Variants in GRM8 observed in about 807,000 individuals in gnomAD.
The protein encoded by GRM8 is metabotropic glutamate receptor 8.
Under a neutral mutation model 87.2 loss-of-function variants are expected in GRM8, and 47 were observed. The observed-to-expected ratio is 0.54, with a 90% CI of 0.43 to 0.69. The LOEUF (loss-of-function observed/expected upper bound fraction) is 0.69, where lower values mean the gene tolerates loss of function less well. Among genes scored for constraint, GRM8 ranks in the 30% least tolerant of loss-of-function variants. The pLI is 0.00. For synonymous variants in GRM8, 396 were observed against 404.5 expected (o/e 0.98, Z 0.25); for missense variants, 1,019 against 1,139.2 (o/e 0.89, Z 1.52).
chr7:126,812,903 A>T (rs1291256761), intron 6 of GRM8, among the ~76,000 whole-genome samples: 1 of 152,058 alleles, frequency 6.6e-6, no homozygotes, highest in Non-Finnish European at 1.5e-5. Context: ...CAGACAGGAA[A>T]CTTTTATGCA....
chr7:126,753,285 A>C (rs772659840), intron 7 of GRM8, among the ~76,000 whole-genome samples: 4 of 151,828 alleles, frequency 2.6e-5, no homozygotes, highest in Non-Finnish European at 4.4e-5. Flanking sequence ...TTTAAATTTT[A>C]TATATATATG....
chr7:126,758,732 T>G (rs1346791461), intron 7 of GRM8, among the ~76,000 whole-genome samples: 1 of 152,170 alleles, frequency 6.6e-6, no homozygotes, highest in Non-Finnish European at 1.5e-5. Context: ...ATTGTTCACT[T>G]AGCTTAGCTA....
intron 7 of GRM8, among the ~76,000 whole-genome samples, chr7:126,629,425 G>C (rs1469856723): frequency 6.6e-6 from 1 of 151,994 alleles, no homozygotes; most frequent in Non-Finnish European, 1.5e-5. Context: ...TTCTTGTTAA[G>C]TTTCAAATTG....
intron 2 of GRM8, among the ~76,000 whole-genome samples, chr7:127,145,066 T>A (rs1828481893): frequency 6.6e-6 from 1 of 152,146 alleles, no homozygotes; most frequent in Admixed American, 6.6e-5. Context: ...GTCAACATAT[T>A]AAGTATTGTG....
At chr7:127,188,592 T>G (rs1017133283) in intron 2 of GRM8, among the ~76,000 whole-genome samples, 2 of 152,236 alleles carry the variant, frequency 1.3e-5, no homozygotes, top group Admixed American at 1.3e-4. Context: ...ATAAGATTGT[T>G]ACTTTGTACA....
intron 1 of GRM8, among the ~76,000 whole-genome samples, chr7:127,248,458 G>A (rs1299700811): frequency 3.3e-5 from 5 of 152,174 alleles, no homozygotes; most frequent in Non-Finnish European, 7.3e-5. Flanking sequence ...AACTAACCCT[G>A]ATTTGATAAT....
intron 7 of GRM8, among the ~76,000 whole-genome samples, chr7:126,742,925 C>T (rs904300074): frequency 1.3e-5 from 2 of 151,986 alleles, no homozygotes; most frequent in African/African-American, 2.4e-5. Context: ...CGGGAAGGGA[C>T]TCTATCTTAC....
intron 3 of GRM8, among the ~76,000 whole-genome samples, chr7:127,103,411 C>T (rs766118022): frequency 4.6e-5 from 7 of 152,142 alleles, no homozygotes; most frequent in Non-Finnish European, 1.0e-4. Flanking sequence ...GTGTGTTGCA[C>T]CTCCTCCCCT....
chr7:127,234,158 T>G (rs1055021191), intron 2 of GRM8, among the ~76,000 whole-genome samples: 1 of 152,212 alleles, frequency 6.6e-6, no homozygotes, highest in Non-Finnish European at 1.5e-5. Flanking sequence ...GAGGTAGCTG[T>G]CATGGTTTCT....
chr7:126,481,896 G>T (rs550415104), intron 9 of GRM8, among the ~76,000 whole-genome samples: 1 of 152,176 alleles, frequency 6.6e-6, no homozygotes, highest in Admixed American at 6.6e-5. Context: ...AGAGCTTTCT[G>T]TGTCACTTTT....
At position 126,897,677 on chromosome 7, in the gene GRM8, A is replaced by G. The variant is rs568254338; in HGVS notation, c.1156+4865T>C. On this transcript the variant is annotated intron_variant, in intron 6 of 10. Transcript: ENST00000339582. ...GTCCTTTTTTCTTCTCGAGAAAGACAAAGGGAATTTTAAGTAGGATTAAGT... is the reference window on the plus strand; with the variant it reads ...GTCCTTTTTTCTTCTCGAGAAAGACGAAGGGAATTTTAAGTAGGATTAAGT... 2.0e-5 allele frequency among the ~76,000 whole-genome samples: 3 copies of G among 152,244 alleles called. No individual in the cohort carries two copies. The South Asian group carries it at 6.2e-4, about 32-fold the overall frequency.
chr7:127,191,613 C>T (rs936521998), intron 2 of GRM8, among the ~76,000 whole-genome samples: 1 of 152,114 alleles, frequency 6.6e-6, no homozygotes, highest in South Asian at 2.1e-4. Flanking sequence ...AATGTAGTCT[C>T]ATAAGAGATA....
chr7:126,661,401 T>C (rs1030732016), intron 7 of GRM8, among the ~76,000 whole-genome samples: 4 of 152,248 alleles, frequency 2.6e-5, no homozygotes, highest in African/African-American at 7.2e-5. Context: ...ATAAAACATA[T>C]GTTTTAAAAA....
At position 126,533,517 on chromosome 7, in the gene GRM8, C is replaced by A. The variant is rs774461111; in HGVS notation, c.1865G>T (p.Ser622Ile). The A allele has an allele frequency of 1.2e-6, 2 of 1,614,096 alleles. No homozygotes were observed. The highest frequency in any genetic ancestry group is 1.7e-6 in the Non-Finnish European group (2 of 1,180,002). Residue 622 changes from serine (S) to isoleucine (I), a missense_variant, in exon 9 of 11, where the codon AGT becomes ATT. Physicochemically the swap from Ser to Ile is moderately radical, Grantham distance 142. Coordinates refer to ENST00000339582, the MANE Select transcript of GRM8 (RefSeq NM_000845.3). Reference sequence around the variant, plus strand: ...AAAAATCCCCGTTAGGAGCACGTAACTAAGTTCGCGTCCTGAAGCCCTCAC... The same window carrying A: ...AAAAATCCCCGTTAGGAGCACGTAAATAAGTTCGCGTCCTGAAGCCCTCAC... ...PIVRASGREL[S>I]YVLLTGIFLC...
intron 3 of GRM8, among the ~76,000 whole-genome samples, chr7:127,103,809 A>T (rs955282118): frequency 2.0e-5 from 3 of 152,152 alleles, no homozygotes; most frequent in African/African-American, 7.2e-5. Flanking sequence ...GGATGACACT[A>T]TAACAGCTGG....
chr7:126,768,356 G>GA (rs1221529800), intron 7 of GRM8, among the ~76,000 whole-genome samples: 1 of 5,448 alleles, frequency 1.8e-4, no homozygotes, highest in Non-Finnish European at 4.7e-4. Context: ...CTTTGATAAT[G>GA]TAAAAAAAAA....
chr7:126,983,253 G>A (rs975519788), intron 3 of GRM8, among the ~76,000 whole-genome samples: 1 of 152,004 alleles, frequency 6.6e-6, no homozygotes, highest in African/African-American at 2.4e-5. Flanking sequence ...GTCACTAGGA[G>A]TAATGGTGAG....
rs904250062 is a variant in GRM8 at position 126,700,063 on chromosome 7, A to C, written c.1357+69802T>G. Among the ~76,000 whole-genome samples, 6 of 152,248 alleles carry C rather than the reference A, an allele frequency of 3.9e-5. No homozygotes were observed. In the South Asian group the frequency reaches 1.2e-3, roughly 32 times the overall value. The stretch of plus-strand genomic sequence containing the variant: ...AGAAAACCAGAACCAAGGCACACAC[A>C]CTGTTCAGATAGTTCATAGGGTTAT... On this transcript the variant is annotated intron_variant, in intron 7 of 10. Coordinates refer to ENST00000339582, the MANE Select transcript of GRM8 (RefSeq NM_000845.3).
At chr7:126,792,285 T>C (rs1821432722) in intron 6 of GRM8, among the ~76,000 whole-genome samples, 2 of 152,196 alleles carry the variant, frequency 1.3e-5, no homozygotes, top group African/African-American at 4.8e-5. Flanking sequence ...CTATTGCTCC[T>C]GGAAACCTAA....
Sources: gnomAD v4.1 joint callset for allele counts (sites outside exome capture counted in the v4.1 genomes callset) on GRCh38, gnomAD v4.1.1 for gene constraint, MANE v1.5 for transcripts, NCBI Gene and HGNC (gene_info 2026-07-23, HGNC 2026-07-21) for gene names.